Variants in VPS72 observed in about 807,000 individuals in gnomAD.
VPS72 encodes vacuolar protein sorting 72 homolog.
A neutral mutation model predicts 38.9 loss-of-function variants in VPS72; 27 were observed. That is an observed-to-expected ratio of 0.69 (90% CI 0.51 to 0.96). VPS72 has a LOEUF of 0.96. Ranked by LOEUF, VPS72 falls within the 40% of genes least tolerant of loss-of-function variation. The pLI is 0.00. For synonymous variants in VPS72, 173 were observed against 186.3 expected, an observed-to-expected ratio of 0.93 and a Z score of 0.58; for missense variants, 360 against 479.5, an observed-to-expected ratio of 0.75 and a Z score of 2.33.
chr1:151,182,790 C>CA (rs1684268904), intron 4 of VPS72, among the ~76,000 whole-genome samples: 1 of 152,214 alleles, frequency 6.6e-6, no homozygotes, highest in Non-Finnish European at 1.5e-5. Flanking sequence ...TGGTCACTTC[C>CA]AGGCTCTTTT....
rs1481735038 is a variant in VPS72 at position 151,184,359 on chromosome 1, G to A, written c.520C>T (p.Arg174Trp). ...ERPLTQEELL[R>W]EAKITEELNL... ...AGCTCTTCTGTGATCTTGGCCTCCC[G>A]GAGCAGTTCCTCCTGGGTTAGTGGC... The change falls in exon 4 of 6, where the codon CGG becomes TGG. Residue 174 changes from arginine to tryptophan, a missense_variant. This residue lies in a region of VPS72 where 294 missense variants were observed against 356.3 expected (regional missense o/e 0.83). Coordinates refer to ENST00000368892, the MANE Select transcript of VPS72 (RefSeq NM_005997.3). 11 of 1,613,948 alleles carry A rather than the reference G, an allele frequency of 6.8e-6. No individual in the cohort carries two copies. The highest frequency in any genetic ancestry group is 1.7e-5 in the Admixed American group (1 of 59,972).
rs1684100183 is a variant in VPS72 at position 151,176,471 on chromosome 1, C to T, written c.*173G>A. ...TGGACACCAGACAAAAGGGATCTTT[C>T]TATTTTATTAGATTAAAAAACACAA... On this transcript the variant is annotated 3_prime_UTR_variant, in exon 6 of 6. Coordinates refer to ENST00000368892, the MANE Select transcript of VPS72 (RefSeq NM_005997.3). 3.5e-6 allele frequency: 4 copies of T among 1,134,480 alleles called. No individual in the cohort carries two copies. The highest frequency in any genetic ancestry group is 3.7e-6 in the Non-Finnish European group (3 of 811,264). The allele number at this position is 1,134,480 out of a possible 1,614,324, so 70.3% of individuals were successfully genotyped here. A position where few individuals can be genotyped will look rare whatever the true frequency, so the allele number is the denominator to read the frequency against.
At chr1:151,177,958 T>C (rs1487900466) in intron 5 of VPS72, 43 bp downstream of exon 5, 2 of 1,596,112 alleles carry the variant, frequency 1.3e-6, no homozygotes, top group Admixed American at 1.7e-5. Flanking sequence ...CAAGAGAACA[T>C]GAGCTGAACA....
chr1:151,185,123 CA>C (rs1248741958), intron 3 of VPS72, among the ~76,000 whole-genome samples: 1 of 151,998 alleles, frequency 6.6e-6, no homozygotes, highest in African/African-American at 2.4e-5. Context: ...TTATCAACAT[CA>C]GTAAATTTTT....
rs775136584 is a variant in VPS72 at position 151,178,057 on chromosome 1, C to T, written c.651G>A (p.Val217=). 8 of 1,614,134 alleles carry T rather than the reference C, an allele frequency of 5.0e-6. No individual in the cohort carries two copies. Among genetic ancestry groups the T allele is most frequent in the Middle Eastern group, 1.6e-4 (1 of 6,062 alleles). The change falls in exon 5 of 6, where the codon GTG becomes GTA. Residue 217 remains valine (V), a synonymous_variant. Transcript: ENST00000368892. ...CPGPIITYHS[V]TVPLVGEPGP... is the part of the protein sequence containing the mutation. ...CTGGCTCCCCAACAAGTGGCACTGT[C>T]ACTGAATGATAGGTGATTATGGGCC...
chr1:151,189,779 C>G (rs1340427102), intron 1 of VPS72, among the ~76,000 whole-genome samples: 1 of 152,082 alleles, frequency 6.6e-6, no homozygotes, highest in Non-Finnish European at 1.5e-5. Context: ...CTCCGGAGAG[C>G]TTCTCCGTCT....
intron 5 of VPS72, 129 bp downstream of exon 5, chr1:151,177,872 T>C: frequency 9.1e-7 from 1 of 1,096,230 alleles, no homozygotes; most frequent in Non-Finnish European, 1.3e-6. Flanking sequence ...GAAATTGAGC[T>C]GAAGGGAGTT....
In VPS72 at chr1:151,178,031, C is replaced by T; in HGVS notation, c.677G>A (p.Gly226Asp). The change falls in exon 5 of 6, where the codon GGC becomes GAC. Residue 226 changes from glycine (G) to aspartate (D), a missense_variant. By Grantham distance (94) the Gly-to-Asp change is moderately conservative (BLOSUM62 -1). Transcript: ENST00000368892. ...TATGTCAACGTTCTCTTCCTTGGGG[C>T]CTGGCTCCCCAACAAGTGGCACTGT... ...SVTVPLVGEP[G>D]PKEENVDIEG... The T allele has an allele frequency of 6.2e-7, 1 of 1,614,040 alleles. No individual in the cohort carries two copies. The highest frequency in any genetic ancestry group is 8.5e-7 in the Non-Finnish European group (1 of 1,180,014).
intron 4 of VPS72, among the ~76,000 whole-genome samples, chr1:151,181,411 T>C (rs943160897): frequency 6.6e-6 from 1 of 151,914 alleles, no homozygotes; most frequent in Non-Finnish European, 1.5e-5. Context: ...GCCTGGCTAA[T>C]TTTTTGTATG....
At chr1:151,184,807 G>C (rs1466412855) in intron 3 of VPS72, among the ~76,000 whole-genome samples, 1 of 151,988 alleles carries the variant, frequency 6.6e-6, no homozygotes, top group Non-Finnish European at 1.5e-5. Context: ...GGATGGTCTT[G>C]AACTACTGAC....
At chr1:151,185,377 A>T in intron 3 of VPS72, 129 bp downstream of exon 3, 1 of 843,320 alleles carries the variant, frequency 1.2e-6, no homozygotes, top group Non-Finnish European at 2.0e-6. Flanking sequence ...CTACCCGCCT[A>T]GGCCTCCCAA....
chr1:151,185,787 T>A lies in VPS72; in HGVS notation c.270+11A>T, dbSNP rs753341635. The A allele has an allele frequency of 1.9e-6, 3 of 1,613,488 alleles. No individual in the cohort carries two copies. The Admixed American group carries it at 5.0e-5, about 27-fold the overall frequency. On this transcript the variant is annotated intron_variant, in intron 2 of 5. Transcript: ENST00000368892. Reference sequence around the variant, plus strand: ...TGAGGAAATCCAAGACAACTAGGACTCCCCCTGTACCTTATAGGCCTTGGT... The same window carrying A: ...TGAGGAAATCCAAGACAACTAGGACACCCCCTGTACCTTATAGGCCTTGGT...
At chr1:151,177,970 A>G in intron 5 of VPS72, 31 bp downstream of exon 5, 1 of 1,609,074 alleles carries the variant, frequency 6.2e-7, no homozygotes, top group Non-Finnish European at 8.5e-7. Flanking sequence ...AGCTGAACAC[A>G]CAATCTCTTT....
intron 1 of VPS72, among the ~76,000 whole-genome samples, chr1:151,187,725 T>C (rs1684381127): frequency 6.6e-6 from 1 of 152,238 alleles, no homozygotes; most frequent in African/African-American, 2.4e-5. Context: ...AGAACTTGTA[T>C]GCTTCTTTCT....
intron 4 of VPS72, 22 bp from the exon 5 acceptor site, chr1:151,178,167 TGAG>T: frequency 6.2e-7 from 1 of 1,611,424 alleles, no homozygotes; most frequent in South Asian, 1.1e-5. Context: ...AAGGAAGAAA[TGAG>T]GGGATGATCA....
Position 151,177,014 on chromosome 1 carries a change from G to A in VPS72, c.725C>T (p.Ser242Leu), listed in dbSNP as rs142030516. 1,136 of 1,571,818 alleles carry A rather than the reference G, an allele frequency of 7.2e-4. 6 individuals carry two copies. The African/African-American group carries it at 0.013, about 17-fold the overall frequency. ...AGCATGAGGAGTCAATGCAGACACC[G>A]AGGGAGCAGGATCAAGTCTGAGGAC... ...VDIEGLDPAP[S>L]VSALTPHAGT... The change falls in exon 6 of 6, where the codon TCG becomes TTG. Residue 242 changes from serine (S) to leucine (L), a missense_variant. By Grantham distance (145) the Ser-to-Leu change is moderately radical. Around this residue, in one of 2 missense-constraint regions of VPS72, gnomAD observed 294 missense variants for 356.3 expected, o/e 0.83. Coordinates refer to ENST00000368892, the MANE Select transcript of VPS72 (RefSeq NM_005997.3).
Position 151,185,502 on chromosome 1 carries a change from T to C in VPS72, c.385+4A>G. On this transcript the variant is annotated splice_donor_region_variant and intron_variant, in intron 3 of 5. Transcript: ENST00000368892. ...TGCCAATTGACCCTAACATCCCTACTCACTGTCAGAGCCGTCATCTTGTAG... is the reference window on the plus strand; with the variant it reads ...TGCCAATTGACCCTAACATCCCTACCCACTGTCAGAGCCGTCATCTTGTAG... 6.2e-7 allele frequency: 1 copy of C among 1,613,870 alleles called. No individual in the cohort carries two copies. The highest frequency in any genetic ancestry group is 8.5e-7 in the Non-Finnish European group (1 of 1,179,784).
At chr1:151,178,698 C>G (rs951256291) in intron 4 of VPS72, among the ~76,000 whole-genome samples, 2 of 152,072 alleles carry the variant, frequency 1.3e-5, no homozygotes, top group Non-Finnish European at 2.9e-5. Context: ...TCTTAAACAA[C>G]AAGAAAATCT....
intron 4 of VPS72, among the ~76,000 whole-genome samples, chr1:151,179,055 G>A: frequency 6.6e-6 from 1 of 152,128 alleles, no homozygotes; most frequent in East Asian, 1.9e-4. Context: ...GCCGAGGTGG[G>A]TGGATCACCT....
Sources: gnomAD v4.1 joint callset for allele counts (sites outside exome capture counted in the v4.1 genomes callset) on GRCh38, gnomAD v4.1.1 for gene constraint, gnomAD v4.1.1 regional missense constraint, MANE v1.5 for transcripts, NCBI Gene and HGNC (gene_info 2026-07-23, HGNC 2026-07-21) for gene names.